Variants in LARGE1 observed in about 807,000 individuals in gnomAD.
LARGE1 encodes LARGE xylosyl- and glucuronyltransferase 1.
In LARGE1, 43 loss-of-function variants were observed where a neutral mutation model predicts 87.6. That is an observed-to-expected ratio of 0.49 (90% CI 0.38 to 0.63). The LOEUF (loss-of-function observed/expected upper bound fraction) is 0.63, where lower values mean the gene tolerates loss of function less well. Among genes scored for constraint, LARGE1 ranks in the 30% least tolerant of loss-of-function variants. The probability of loss-of-function intolerance (pLI) is 0.00; values close to 1 mark genes in which losing one functional copy is unlikely to be tolerated. For synonymous variants in LARGE1, 434 were observed against 394.6 expected (o/e 1.10, Z -1.18); for missense variants, 802 against 1,000.2 (o/e 0.80, Z 2.67).
At chr22:33,566,232 A>T (rs2078021394) in intron 5 of LARGE1, among the ~76,000 whole-genome samples, 2 of 152,260 alleles carry the variant, frequency 1.3e-5, no homozygotes, top group African/African-American at 2.4e-5. Context: ...GGAACAATTA[A>T]TTCAAACATG....
intron 11 of LARGE1, among the ~76,000 whole-genome samples, chr22:33,170,899 C>T (rs1445075574): frequency 6.6e-6 from 1 of 152,140 alleles, no homozygotes; most frequent in Non-Finnish European, 1.5e-5. Flanking sequence ...GTTAGGAGGG[C>T]TCAGAAGAAG....
intron 14 of LARGE1, among the ~76,000 whole-genome samples, chr22:33,276,220 GA>G (rs397840244): frequency 0.08 from 9,693 of 120,512 alleles, 1,015 homozygotes; most frequent in African/African-American, 0.25. Context: ...GAAAAGAAAA[GA>G]AAAAAAAAAA....
chr22:33,739,911 C>T (rs1033726580), intron 2 of LARGE1, among the ~76,000 whole-genome samples: 3 of 152,210 alleles, frequency 2.0e-5, no homozygotes, highest in Middle Eastern at 6.8e-3. Context: ...GGAGAAGGAC[C>T]CCCTGAATGT....
chr22:33,795,632 T>C (rs1465640164), intron 1 of LARGE1, among the ~76,000 whole-genome samples: 1 of 152,114 alleles, frequency 6.6e-6, no homozygotes, highest in African/African-American at 2.4e-5. Context: ...AATGATAGAC[T>C]GGATTAAGAA....
intron 8 of LARGE1, among the ~76,000 whole-genome samples, chr22:33,382,662 A>T (rs1226435483): frequency 6.6e-6 from 1 of 152,182 alleles, no homozygotes; most frequent in Non-Finnish European, 1.5e-5. Context: ...GCACCAGGCC[A>T]TACTTATTAA....
intron 1 of LARGE1, 150 bp downstream of exon 1, chr22:33,919,845 C>A: frequency 6.6e-6 from 1 of 152,624 alleles, no homozygotes; most frequent in Non-Finnish European, 1.5e-5. Context: ...CCAGCCTCTC[C>A]AGGGCTCCCG....
At chr22:33,113,409 G>T in the LARGE1 span, among the ~76,000 whole-genome samples, 1 of 152,138 alleles carries the variant, frequency 6.6e-6, no homozygotes, top group South Asian at 2.1e-4. Flanking sequence ...GTTTCTCCAT[G>T]TTGGTCAGGC....
intron 1 of LARGE1, among the ~76,000 whole-genome samples, chr22:33,878,375 C>T (rs184650671): frequency 4.6e-5 from 7 of 151,784 alleles, no homozygotes; most frequent in East Asian, 3.9e-4. Flanking sequence ...GTGATCCGCC[C>T]GCCTCAGCCT....
the LARGE1 span, among the ~76,000 whole-genome samples, chr22:33,109,509 A>G: frequency 1.3e-5 from 2 of 152,184 alleles, no homozygotes; most frequent in Non-Finnish European, 2.9e-5. Flanking sequence ...TTCTTAAGTC[A>G]TCGCCTGCCA....
At chr22:33,622,147 AT>A (rs2079774193) in intron 4 of LARGE1, among the ~76,000 whole-genome samples, 1 of 152,106 alleles carries the variant, frequency 6.6e-6, no homozygotes, top group Admixed American at 6.5e-5. Flanking sequence ...CCCCACCCAA[AT>A]CTCATTTCGA....
chr22:33,104,150 A>T, the LARGE1 span, among the ~76,000 whole-genome samples: 12 of 152,180 alleles, frequency 7.9e-5, no homozygotes, highest in African/African-American at 1.2e-4. Context: ...CCTTGATTTC[A>T]GCCTTGTGAG....
intron 7 of LARGE1, among the ~76,000 whole-genome samples, chr22:33,428,846 C>T (rs1473700655): frequency 6.9e-6 from 1 of 144,252 alleles, no homozygotes; most frequent in South Asian, 2.2e-4. Flanking sequence ...AGGAGAATGG[C>T]GTGAACCCGG....
At chr22:33,914,513 C>G (rs1018870955) in intron 1 of LARGE1, among the ~76,000 whole-genome samples, 11 of 152,164 alleles carry the variant, frequency 7.2e-5, no homozygotes, top group African/African-American at 2.4e-4. Context: ...GGTCAAAGAA[C>G]AGTGTAACAT....
intron 2 of LARGE1, among the ~76,000 whole-genome samples, chr22:33,679,521 T>G (rs1250339578): frequency 2.6e-5 from 4 of 151,874 alleles, no homozygotes; most frequent in Non-Finnish European, 5.9e-5. Flanking sequence ...CTTGGAGTCA[T>G]GCTGCCACAA....
intron 4 of LARGE1, among the ~76,000 whole-genome samples, chr22:33,611,558 C>T (rs186355799): frequency 1.1e-4 from 16 of 152,244 alleles, no homozygotes; most frequent in Non-Finnish European, 1.9e-4. Context: ...GTAAATACTG[C>T]GTTTTGATTT....
chr22:33,167,055 G>A (rs1922315202), intron 11 of LARGE1, among the ~76,000 whole-genome samples: 1 of 152,082 alleles, frequency 6.6e-6, no homozygotes, highest in African/African-American at 2.4e-5. Context: ...AATTCCAAAA[G>A]CAGTAAAGAT....
At chr22:33,388,584 T>C (rs1158765026) in intron 7 of LARGE1, among the ~76,000 whole-genome samples, 1 of 152,056 alleles carries the variant, frequency 6.6e-6, no homozygotes, top group Non-Finnish European at 1.5e-5. Context: ...TTTATTTTTT[T>C]AGACAGAGTC....
chr22:33,920,736 G>C (rs1476389666), upstream of LARGE1, among the ~76,000 whole-genome samples: 5 of 144,518 alleles, frequency 3.5e-5, no homozygotes, highest in East Asian at 1.1e-3. Flanking sequence ...CCGCCGCCGG[G>C]AGCGCTCGCC....
At chr22:33,424,653 T>C (rs2066811809) in intron 7 of LARGE1, among the ~76,000 whole-genome samples, 1 of 151,708 alleles carries the variant, frequency 6.6e-6, no homozygotes, top group Non-Finnish European at 1.5e-5. Context: ...AGTGAGACCC[T>C]GTCTATATAA....
Sources: allele counts gnomAD v4.1 joint callset (sites outside exome capture counted in the v4.1 genomes callset), GRCh38; gene constraint gnomAD v4.1.1; transcripts MANE v1.5; gene names NCBI Gene and HGNC (gene_info 2026-07-23, HGNC 2026-07-21).